PDXP: variants seen among roughly 807,000 people sequenced by gnomAD.
PDXP encodes chronophin.
Under a neutral mutation model 14.4 loss-of-function variants are expected in PDXP, and 15 were observed. The observed-to-expected ratio is 1.04, with a 90% CI of 0.70 to 1.60. The LOEUF (loss-of-function observed/expected upper bound fraction) is 1.60. PDXP is among the 40% of genes most tolerant of loss of function. The pLI is 0.00. For missense variants in PDXP, 413 were observed against 427.6 expected, an observed-to-expected ratio of 0.97 and a Z score of 0.30; for synonymous variants, 233 against 205.6, an observed-to-expected ratio of 1.13 and a Z score of -1.14.
chr22:37,659,484 G>A, intron 1 of PDXP, 128 bp downstream of exon 1: 3 of 639,034 alleles, frequency 4.7e-6, no homozygotes, highest in Non-Finnish European at 4.5e-6. Context: ...TGCGAGGGAG[G>A]CCCAGGGTGC....
At position 37,665,683 on chromosome 22, in the gene PDXP, A is replaced by T. The variant is rs565892517; in HGVS notation, c.703A>T (p.Met235Leu). The T allele has an allele frequency of 6.8e-6, 11 of 1,614,106 alleles. No homozygotes were observed. The African/African-American group carries it at 1.3e-4, about 20-fold the overall frequency. ...NFSIDPARTL[M>L]VGDRLETDIL... is the part of the protein sequence containing the mutation. ...CAGCATCGACCCCGCACGCACGCTT[A>T]TGGTGGGTGACCGCCTGGAGACCGA... Residue 235 changes from methionine (M) to leucine (L), a missense_variant, in exon 2 of 2, where the codon ATG (methionine) becomes TTG (leucine). Transcript: ENST00000215904.
chr22:37,664,550 T>TA (rs1921004324), intron 1 of PDXP, among the ~76,000 whole-genome samples: 1 of 152,234 alleles, frequency 6.6e-6, no homozygotes, highest in South Asian at 2.1e-4. Flanking sequence ...CTGGGCAAAT[T>TA]ACTTAATGTC....
chr22:37,659,323 T>G lies in PDXP; in HGVS notation c.541T>G (p.Trp181Gly), dbSNP rs769733134. The G allele has an allele frequency of 4.6e-6, 6 of 1,302,450 alleles. No individual in the cohort carries two copies. The South Asian group carries it at 8.5e-5, about 19-fold the overall frequency. 80.7% of individuals were successfully genotyped at this position (1,302,450 alleles called of 1,614,324 possible). A position where few individuals can be genotyped will look rare whatever the true frequency, so the allele number is the denominator to read the frequency against. The change falls in exon 1 of 2, where the codon TGG becomes GGG. Residue 181 changes from tryptophan (W) to glycine (G), a missense_variant. Transcript: ENST00000215904. ...CLLVATDRDP[W>G]HPLSDGSRTP... ...ACTCGTGGCCACCGACCGTGACCCA[T>G]GGCACCCGCTGAGCGACGGCAGCCG...
chr22:37,665,477 C>T lies in PDXP; in HGVS notation c.575-78C>T. 16 of 1,199,842 alleles carry T rather than the reference C, an allele frequency of 1.3e-5. No homozygotes were observed. The South Asian group carries it at 2.0e-4, about 15-fold the overall frequency. 74.3% of individuals were successfully genotyped at this position (1,199,842 alleles called of 1,614,324 possible). ...GCCGATTTGACCCTGGCACAATCCA[C>T]CTCCCTGGACTTCCAGTTTCAGGGC... On this transcript the variant is annotated intron_variant, in intron 1 of 1. Transcript: ENST00000215904.
At chr22:37,664,884 G>A (rs145075307) in intron 1 of PDXP, 1 of 152,908 alleles carries the variant, frequency 6.5e-6, no homozygotes, top group African/African-American at 2.4e-5. Context: ...GCAGCTTTTT[G>A]TCTCCAGCTG....
intron 1 of PDXP, among the ~76,000 whole-genome samples, chr22:37,660,831 TGCA>T (rs1451776745): frequency 6.6e-6 from 1 of 152,174 alleles, no homozygotes; most frequent in Admixed American, 6.5e-5. Flanking sequence ...GGAGGCATGA[TGCA>T]GGGCAGTGAT....
chr22:37,660,805 A>G (rs1933187602), intron 1 of PDXP, among the ~76,000 whole-genome samples: 1 of 152,186 alleles, frequency 6.6e-6, no homozygotes, highest in South Asian at 2.1e-4. Flanking sequence ...AGGGGCACCT[A>G]GGAAGACTTC....
In PDXP at chr22:37,666,347, A is replaced by G. The variant is rs573828964; in HGVS notation, c.*476A>G. On this transcript the variant is annotated 3_prime_UTR_variant, in exon 2 of 2. Transcript: ENST00000215904. ...AAAGGCTAAGTGATAGTGACTCATC[A>G]ATGTTGGGTCCTGTGGGGTACCAGT... 74 of 194,342 alleles carry G rather than the reference A, an allele frequency of 3.8e-4. No individual in the cohort carries two copies. Among genetic ancestry groups the G allele is most frequent in the Non-Finnish European group, 3.6e-4 (30 of 83,214 alleles). The allele number at this position is 194,342 out of a possible 1,614,324, so 12.0% of individuals were successfully genotyped here.
rs138844242 is a variant in PDXP at position 37,665,009 on chromosome 22, G to A, written c.575-546G>A. 987 of 157,188 alleles carry A rather than the reference G, an allele frequency of 6.3e-3. 13 individuals carry two copies. Among genetic ancestry groups the A allele is most frequent in the African/African-American group, 0.023 (943 of 41,616 alleles). The allele number at this position is 157,188 out of a possible 1,614,324, so 9.7% of individuals were successfully genotyped here. On this transcript the variant is annotated intron_variant, in intron 1 of 1. Transcript: ENST00000215904. Reference sequence around the variant, plus strand: ...TGTGCCAGTTTCTAACGCCAGCCGCGTGAATTCCTGCAGCAGTAACCACAA... The same window carrying A: ...TGTGCCAGTTTCTAACGCCAGCCGCATGAATTCCTGCAGCAGTAACCACAA...
Position 37,659,266 on chromosome 22 carries a change from G to A in PDXP, c.484G>A (p.Ala162Thr), listed in dbSNP as rs1933151330. 1 of 1,320,880 alleles carries A rather than the reference G, an allele frequency of 7.6e-7. No homozygotes were observed. The highest frequency in any genetic ancestry group is 2.8e-5 in the East Asian group (1 of 35,800). The allele number at this position is 1,320,880 out of a possible 1,614,324, so 81.8% of individuals were successfully genotyped here. ...CTTCTCCTTCGCCAAGCTGAGGGAG[G>A]CGTGCGCGCACCTGCGCGACCCCGA... ...EHFSFAKLRE[A>T]CAHLRDPECL... Residue 162 changes from alanine to threonine, a missense_variant, in exon 1 of 2, where the codon GCG (alanine) becomes ACG (threonine). Physicochemically the swap from Ala to Thr is moderately conservative, Grantham distance 58 (BLOSUM62 0). Coordinates refer to ENST00000215904, the MANE Select transcript of PDXP (RefSeq NM_020315.5).
chr22:37,663,203 C>T (rs1196212984), intron 1 of PDXP, among the ~76,000 whole-genome samples: 5 of 150,354 alleles, frequency 3.3e-5, no homozygotes, highest in Non-Finnish European at 5.9e-5. Flanking sequence ...ACTCGGGTGG[C>T]TGAGGCAGGA....
chr22:37,661,658 A>C (rs1933205707), intron 1 of PDXP, among the ~76,000 whole-genome samples: 1 of 152,066 alleles, frequency 6.6e-6, no homozygotes, highest in African/African-American at 2.4e-5. Context: ...CGCTCCCCTG[A>C]GGTCAGGATC....
intron 1 of PDXP, among the ~76,000 whole-genome samples, chr22:37,664,140 AG>A (rs1230555757): frequency 6.6e-6 from 1 of 151,990 alleles, no homozygotes; most frequent in East Asian, 1.9e-4. Context: ...CATGTTGGTC[AG>A]GCTGGTCTTG....
Position 37,658,879 on chromosome 22 carries a change from G to T in PDXP, c.97G>T (p.Gly33Cys). Residue 33 changes from glycine to cysteine, a missense_variant, in exon 1 of 2, where the codon GGC becomes TGC. Physicochemically the swap from Gly to Cys is radical, Grantham distance 159. Transcript: ENST00000215904. The part of the protein sequence containing the change: ...LFDCDGVLWN[G>C]ERAVPGAPEL... ...CGACTGTGACGGGGTGCTGTGGAAC[G>T]GCGAGCGCGCCGTGCCGGGCGCCCC... 8.2e-7 allele frequency: 1 copy of T among 1,222,454 alleles called. No individual in the cohort carries two copies. The highest frequency in any genetic ancestry group is 3.3e-5 in the East Asian group (1 of 30,428). The allele number at this position is 1,222,454 out of a possible 1,614,324, so 75.7% of individuals were successfully genotyped here.
In PDXP at chr22:37,659,291, A is replaced by C. The variant is rs1189118493; in HGVS notation, c.509A>C (p.Glu170Ala). 3 of 1,313,728 alleles carry C rather than the reference A, an allele frequency of 2.3e-6. No homozygotes were observed. The highest frequency in any genetic ancestry group is 2.9e-6 in the Non-Finnish European group (3 of 1,027,744). 81.4% of individuals were successfully genotyped at this position (1,313,728 alleles called of 1,614,324 possible). The change falls in exon 1 of 2, where the codon GAG becomes GCG. Residue 170 changes from glutamate to alanine, a missense_variant. By Grantham distance (107) the Glu-to-Ala change is moderately radical (BLOSUM62 -1). Coordinates refer to ENST00000215904, the MANE Select transcript of PDXP (RefSeq NM_020315.5). ...REACAHLRDP[E>A]CLLVATDRDP... is the part of the protein sequence containing the mutation. The stretch of plus-strand genomic sequence containing the variant: ...GCGTGCGCGCACCTGCGCGACCCCG[A>C]GTGCCTACTCGTGGCCACCGACCGT...
chr22:37,661,294 G>A (rs9619698), intron 1 of PDXP, among the ~76,000 whole-genome samples: 5 of 152,084 alleles, frequency 3.3e-5, no homozygotes, highest in Non-Finnish European at 7.4e-5. Flanking sequence ...ACAGCACTGC[G>A]ATCATGTTTG....
intron 1 of PDXP, among the ~76,000 whole-genome samples, chr22:37,663,815 A>G (rs1920988942): frequency 1.3e-5 from 2 of 151,954 alleles, no homozygotes; most frequent in East Asian, 3.9e-4. Context: ...TCGGTGTTAC[A>G]GAGGCCAATA....
intron 1 of PDXP, among the ~76,000 whole-genome samples, chr22:37,663,163 G>C (rs777182701): frequency 7.3e-5 from 11 of 151,564 alleles, no homozygotes; most frequent in Non-Finnish European, 1.6e-4. Context: ...AATTAGCCGG[G>C]CATGGTGGCG....
chr22:37,664,238 C>CTT (rs67430441), intron 1 of PDXP, among the ~76,000 whole-genome samples: 4 of 145,572 alleles, frequency 2.7e-5, no homozygotes, highest in Non-Finnish European at 4.5e-5. Flanking sequence ...GCCAGCTTTT[C>CTT]TTTTTTTTTT....
Sources: gnomAD v4.1 joint callset for allele counts (sites outside exome capture counted in the v4.1 genomes callset) on GRCh38, gnomAD v4.1.1 for gene constraint, MANE v1.5 for transcripts, NCBI Gene and HGNC (gene_info 2026-07-23, HGNC 2026-07-21) for gene names.